The following MACF1 variants were observed in gnomAD, a reference collection of about 807,000 sequenced individuals.
MACF1 encodes the protein microtubule actin crosslinking factor 1, also known as microtubule-actin cross-linking factor 1.
In MACF1, 193 loss-of-function variants were observed where a neutral mutation model predicts 854.8. That is an observed-to-expected ratio of 0.23 (90% CI 0.20 to 0.25). The LOEUF is 0.25. Among genes scored for constraint, MACF1 ranks in the 10% least tolerant of loss-of-function variants. MACF1 has a pLI of 1.00. For missense variants in MACF1, 7,722 were observed against 8,929.1 expected, an observed-to-expected ratio of 0.86 and a Z score of 5.45; for synonymous variants, 3,185 against 3,226.7, an observed-to-expected ratio of 0.99 and a Z score of 0.44.
intron 66 of MACF1, among the ~76,000 whole-genome samples, chr1:39,431,294 A>ATAATTG (rs1271241982): frequency 2.0e-4 from 30 of 152,232 alleles, no homozygotes; most frequent in African/African-American, 7.0e-4. Flanking sequence ...GGAAGGAATT[A>ATAATTG]CTATCAAATA....
At chr1:39,376,992 AC>A (rs1649778804) in intron 52 of MACF1, among the ~76,000 whole-genome samples, 1 of 150,952 alleles carries the variant, frequency 6.6e-6, no homozygotes, top group South Asian at 2.1e-4. Context: ...GAGCCATTAC[AC>A]CTGGCCCACA....
In MACF1 at chr1:39,283,227, G is replaced by A. The variant is rs1270773829; in HGVS notation, c.734G>A (p.Ser245Asn). The A allele has an allele frequency of 1.2e-6, 2 of 1,614,048 alleles. No individual in the cohort carries two copies. Among genetic ancestry groups the A allele is most frequent in the Admixed American group, 1.7e-5 (1 of 60,006 alleles). Residue 245 changes from serine (S) to asparagine (N), a missense_variant, in exon 8 of 101, where the codon AGT becomes AAT. Around this residue, in one of 15 missense-constraint regions of MACF1, gnomAD observed 108 missense variants for 196.4 expected, o/e 0.55. Coordinates refer to ENST00000564288, the MANE Select transcript of MACF1 (RefSeq NM_001394062.1). This position sits in a 1 kb window ranked among gnomAD's most constrained non-coding sequence, Gnocchi z 4.5. ...LVDMERVQIQ[S>N]NRENLEQAFE... ...GACATGGAGAGGGTGCAAATCCAAA[G>A]TAACCGAGAGAATCTGGAACAGGCT...
intron 6 of MACF1, among the ~76,000 whole-genome samples, chr1:39,277,499 C>T (rs1007151420): frequency 6.6e-6 from 1 of 152,176 alleles, no homozygotes; most frequent in Non-Finnish European, 1.5e-5. Flanking sequence ...TACAGAGCTT[C>T]CCTTCCTGTA....
At chr1:39,427,392 G>A (rs750839712) in intron 61 of MACF1, 63 bp from the exon 62 acceptor site, 7 of 1,405,756 alleles carry the variant, frequency 5.0e-6, no homozygotes, top group Non-Finnish European at 7.0e-6. Context: ...ACTGAGTATA[G>A]TACTATTACC....
At chr1:39,299,864 T>C (rs1646004584) in intron 21 of MACF1, among the ~76,000 whole-genome samples, 1 of 152,242 alleles carries the variant, frequency 6.6e-6, no homozygotes, top group Non-Finnish European at 1.5e-5. Flanking sequence ...ACTTTCATGT[T>C]CTCTGAATCA....
intron 60 of MACF1, 37 bp downstream of exon 60, chr1:39,422,937 C>T (rs1453302532): frequency 6.3e-6 from 10 of 1,590,242 alleles, no homozygotes; most frequent in East Asian, 2.2e-5. Flanking sequence ...CTGTAACAGC[C>T]GTAGGGAGTA....
chr1:39,452,088 A>G, intron 85 of MACF1, 68 bp from the exon 86 acceptor site: 2 of 1,307,798 alleles, frequency 1.5e-6, no homozygotes, highest in Non-Finnish European at 2.1e-6. Context: ...GAAAATTATT[A>G]TTTCCCAGTG....
At chr1:39,131,151 C>CTTTTTTT (rs34762038) in intron 2 of MACF1, among the ~76,000 whole-genome samples, 2 of 42,384 alleles carry the variant, frequency 4.7e-5, no homozygotes, top group African/African-American at 9.4e-5. Context: ...TGCGCCCGGC[C>CTTTTTTT]TTTTTTTTTT....
intron 44 of MACF1, 118 bp downstream of exon 44, chr1:39,353,349 T>C: frequency 1.4e-6 from 1 of 713,512 alleles, no homozygotes; most frequent in Non-Finnish European, 2.3e-6. Context: ...TCTTCTTTGA[T>C]GTCTCAGCAG....
chr1:39,214,928 T>C (rs1389201972), intron 1 of MACF1, among the ~76,000 whole-genome samples: 1 of 152,226 alleles, frequency 6.6e-6, no homozygotes. Flanking sequence ...TCACCAGCTC[T>C]CCTGCAACTA....
intron 6 of MACF1, among the ~76,000 whole-genome samples, chr1:39,281,845 C>T (rs1336249710): frequency 6.6e-6 from 1 of 152,156 alleles, no homozygotes; most frequent in Admixed American, 6.5e-5. Flanking sequence ...CTGATGACTT[C>T]CTATCAAGTT....
At position 39,333,068 on chromosome 1, in the gene MACF1, T is replaced by A. The variant is rs377755332; in HGVS notation, c.6480T>A (p.His2160Gln). ...CTGTTGAAACACCAAAGAAAGAACA[T>A]CAACCTCTAAGAAACACTTCCTTTA... ...VFSVETPKKE[H>Q]QPLRNTSFTC... is the part of the protein sequence containing the mutation. The change falls in exon 37 of 101, where the codon CAT (histidine) becomes CAA (glutamine). Residue 2160 changes from histidine to glutamine, a missense_variant. By Grantham distance (24) the His-to-Gln change is conservative (BLOSUM62 0). Transcript: ENST00000564288. 4 of 1,613,926 alleles carry A rather than the reference T, an allele frequency of 2.5e-6. No individual in the cohort carries two copies. The highest frequency in any genetic ancestry group is 1.7e-5 in the Admixed American group (1 of 59,980).
chr1:39,406,925 C>T (rs909726105), intron 58 of MACF1, among the ~76,000 whole-genome samples: 1 of 152,052 alleles, frequency 6.6e-6, no homozygotes, highest in Non-Finnish European at 1.5e-5. Context: ...ATCTTTCCTT[C>T]CCTGAGTTTT....
intron 1 of MACF1, among the ~76,000 whole-genome samples, chr1:39,212,493 T>C (rs1644528470): frequency 6.6e-6 from 1 of 152,180 alleles, no homozygotes; most frequent in Non-Finnish European, 1.5e-5. Context: ...CAGATTTTGG[T>C]TCACTTTCCT....
At position 39,269,189 on chromosome 1, in the gene MACF1, G is replaced by A. The variant is rs538680099; in HGVS notation, c.528+11161G>A. Reference sequence around the variant, plus strand: ...GCGAGAAGTCAGTGAGCCAACTGGTGGAATTTCCTAGGACAGCATCCTGCA... The same window carrying A: ...GCGAGAAGTCAGTGAGCCAACTGGTAGAATTTCCTAGGACAGCATCCTGCA... On this transcript the variant is annotated intron_variant, in intron 6 of 100. Transcript: ENST00000564288. The A allele has an allele frequency of 3.7e-5, 48 of 1,290,012 alleles. No homozygotes were observed. The East Asian group carries it at 1.6e-3, about 43-fold the overall frequency. 79.9% of individuals were successfully genotyped at this position (1,290,012 alleles called of 1,614,324 possible).
chr1:39,304,234 C>G (rs1010470586), intron 23 of MACF1: 1 of 380,162 alleles, frequency 2.6e-6, no homozygotes, highest in African/African-American at 2.3e-5. Flanking sequence ...TTCCTGTGTC[C>G]AAGTGTTCTC....
Position 39,300,309 on chromosome 1 carries a change from G to A in MACF1, c.2581G>A (p.Val861Met), listed in dbSNP as rs751982194. 1.2e-6 allele frequency: 2 copies of A among 1,613,860 alleles called. No individual in the cohort carries two copies. Among genetic ancestry groups the A allele is most frequent in the Non-Finnish European group, 1.7e-6 (2 of 1,180,012 alleles). ...VQLKPRSPDHVLKNTISVKAV... is the reference protein window; with the variant it reads ...VQLKPRSPDHMLKNTISVKAV... ...GCTAAAACCACGCAGTCCAGACCAT[G>A]TGTTAAAGAACACCATTTCTGTCAA... Residue 861 changes from valine (V) to methionine (M), a missense_variant, in exon 22 of 101, where the codon GTG becomes ATG. By Grantham distance (21) the Val-to-Met change is conservative. This residue lies in a region of MACF1 where 1,137 missense variants were observed against 1,263.0 expected (regional missense o/e 0.90). Transcript: ENST00000564288.
intron 15 of MACF1, among the ~76,000 whole-genome samples, chr1:39,288,277 T>A (rs1191866676): frequency 6.6e-6 from 1 of 152,056 alleles, no homozygotes; most frequent in Non-Finnish European, 1.5e-5. Flanking sequence ...GGCGGGTGGA[T>A]CACAAGCTCA....
In MACF1 at chr1:39,433,058, T is replaced by G; in HGVS notation, c.17468T>G (p.Ile5823Ser). 1 of 1,607,654 alleles carries G rather than the reference T, an allele frequency of 6.2e-7. No homozygotes were observed. Among genetic ancestry groups the G allele is most frequent in the Non-Finnish European group, 8.5e-7 (1 of 1,175,274 alleles). ...GTTTACTTTTCAAAGGCTTTCTCCA[T>G]TGACATTATTCGACACAAAGATTCA... ...AQLQVQKAFSIDIIRHKDSMD... is the reference protein window; with the variant it reads ...AQLQVQKAFSSDIIRHKDSMD... Residue 5823 changes from isoleucine (I) to serine (S), a missense_variant, in exon 68 of 101, where the codon ATT (isoleucine) becomes AGT (serine). Physicochemically the swap from Ile to Ser is moderately radical, Grantham distance 142. Transcript: ENST00000564288.
Sources: allele counts gnomAD v4.1 joint callset (sites outside exome capture counted in the v4.1 genomes callset), GRCh38; gene constraint gnomAD v4.1.1; regional missense constraint gnomAD v4.1.1; non-coding constraint Gnocchi (gnomAD v3.1); transcripts MANE v1.5; gene names NCBI Gene and HGNC (gene_info 2026-07-23, HGNC 2026-07-21).